Variants in ST6GALNAC3 observed in about 807,000 individuals in gnomAD.
ST6GALNAC3 encodes alpha-N-acetylgalactosaminide alpha-2,6-sialyltransferase 3.
A neutral mutation model predicts 32.7 loss-of-function variants in ST6GALNAC3; 25 were observed. The observed-to-expected ratio is 0.76, with a 90% CI of 0.56 to 1.07. The LOEUF (loss-of-function observed/expected upper bound fraction) is 1.07, where lower values mean the gene tolerates loss of function less well. ST6GALNAC3 is among the 50% of genes least tolerant of loss of function. The pLI, the probability that ST6GALNAC3 is intolerant of heterozygous loss-of-function variation, is 0.00. For synonymous variants in ST6GALNAC3, 129 were observed against 133.1 expected, an observed-to-expected ratio of 0.97 and a Z score of 0.21; for missense variants, 355 against 382.4, an observed-to-expected ratio of 0.93 and a Z score of 0.60.
chr1:76,226,892 T>C (rs1247673179), intron 1 of ST6GALNAC3, among the ~76,000 whole-genome samples: 2 of 152,190 alleles, frequency 1.3e-5, no homozygotes, highest in African/African-American at 4.8e-5. Context: ...GTGGGGACAC[T>C]GATTGAAACT....
intron 1 of ST6GALNAC3, among the ~76,000 whole-genome samples, chr1:76,170,538 C>T (rs1190599867): frequency 6.6e-6 from 1 of 152,094 alleles, no homozygotes; most frequent in East Asian, 1.9e-4. Flanking sequence ...ATCCAAAATT[C>T]ATTACTGGTT....
chr1:76,627,735 GAGAAAA>G (rs1167261058), intron 4 of ST6GALNAC3, among the ~76,000 whole-genome samples, 176 bp downstream of exon 4: 3 of 151,916 alleles, frequency 2.0e-5, no homozygotes, highest in African/African-American at 7.2e-5. Context: ...TTCTAGGGGT[GAGAAAA>G]AGAAAAATAT....
At position 76,313,405 on chromosome 1, in the gene ST6GALNAC3, A is replaced by G. The variant is rs531823145; in HGVS notation, c.19-400A>G. ...AATAGAAGTGTCTTTAAATTATGGG[A>G]ATGATGGGACTTTACCTCTGTTAGA... On this transcript the variant is annotated intron_variant, in intron 1 of 4. Transcript: ENST00000328299. 6.1e-4 allele frequency among the ~76,000 whole-genome samples: 93 copies of G among 152,240 alleles called. 1 individual carries two copies. In the South Asian group the frequency reaches 0.019, roughly 31 times the overall value.
At chr1:76,485,150 C>T (rs1235261104) in intron 3 of ST6GALNAC3, among the ~76,000 whole-genome samples, 4 of 152,070 alleles carry the variant, frequency 2.6e-5, no homozygotes, top group African/African-American at 4.8e-5. Context: ...ATTTTTGCAT[C>T]GATGTTCATC....
intron 1 of ST6GALNAC3, among the ~76,000 whole-genome samples, chr1:76,089,535 T>G (rs1647014304): frequency 6.6e-6 from 1 of 152,222 alleles, no homozygotes. Flanking sequence ...AGCTTGGAGT[T>G]GTATGTATCA....
intron 2 of ST6GALNAC3, among the ~76,000 whole-genome samples, chr1:76,410,070 A>G (rs968063149): frequency 1.3e-5 from 2 of 151,412 alleles, no homozygotes; most frequent in African/African-American, 4.8e-5. Flanking sequence ...TCTTTTTTTT[A>G]TCAACTTTCC....
chr1:76,549,795 A>G (rs1664515704), intron 3 of ST6GALNAC3, among the ~76,000 whole-genome samples: 1 of 152,212 alleles, frequency 6.6e-6, no homozygotes, highest in East Asian at 1.9e-4. Context: ...AGTTGTGCCA[A>G]CTGATGCTTC....
chr1:76,455,471 C>T (rs966476988), intron 3 of ST6GALNAC3, among the ~76,000 whole-genome samples: 1 of 152,276 alleles, frequency 6.6e-6, no homozygotes, highest in East Asian at 1.9e-4. Context: ...ATAGGTTTTT[C>T]TCTAGAGAGA....
At chr1:76,104,528 A>G (rs576757791) in intron 1 of ST6GALNAC3, among the ~76,000 whole-genome samples, 2 of 151,668 alleles carry the variant, frequency 1.3e-5, no homozygotes, top group East Asian at 1.9e-4. Flanking sequence ...TGGCTCCTCA[A>G]TATGTCGTTA....
intron 3 of ST6GALNAC3, among the ~76,000 whole-genome samples, chr1:76,494,805 C>T (rs570371485): frequency 4.6e-5 from 7 of 151,728 alleles, no homozygotes; most frequent in Non-Finnish European, 1.0e-4. Flanking sequence ...TGAACTGGCT[C>T]ATGTGATTAT....
chr1:76,171,673 A>T (rs1030692405), intron 1 of ST6GALNAC3, among the ~76,000 whole-genome samples: 3 of 152,122 alleles, frequency 2.0e-5, no homozygotes, highest in Admixed American at 2.0e-4. Context: ...CGATGCAAAT[A>T]AACTAGAAAA....
At chr1:76,500,077 T>A (rs1445388335) in intron 3 of ST6GALNAC3, among the ~76,000 whole-genome samples, 1 of 152,142 alleles carries the variant, frequency 6.6e-6, no homozygotes, top group Non-Finnish European at 1.5e-5. Context: ...ATACATGCTT[T>A]TAGAATCATA....
intron 2 of ST6GALNAC3, among the ~76,000 whole-genome samples, chr1:76,357,130 C>CTTTTTTTTTTTTTTTTTTTTATT (rs55786044): frequency 9.0e-6 from 1 of 111,176 alleles, no homozygotes; most frequent in Non-Finnish European, 1.7e-5. Flanking sequence ...TTTTCTTTTT[C>CTTTTTTTTTTTTTTTTTTTTATT]TTTTTTTTTT....
At chr1:76,478,615 A>G (rs1221162968) in intron 3 of ST6GALNAC3, among the ~76,000 whole-genome samples, 1 of 152,122 alleles carries the variant, frequency 6.6e-6, no homozygotes, top group Non-Finnish European at 1.5e-5. Flanking sequence ...TATTACCCAC[A>G]AGAGAAAATG....
intron 3 of ST6GALNAC3, among the ~76,000 whole-genome samples, chr1:76,556,442 T>C (rs1479108288): frequency 1.3e-5 from 2 of 152,064 alleles, no homozygotes; most frequent in Admixed American, 6.6e-5. Flanking sequence ...ATGTTCAACA[T>C]TTTCAGGAAC....
chr1:76,425,392 G>A (rs955357328), intron 3 of ST6GALNAC3, among the ~76,000 whole-genome samples: 4 of 151,960 alleles, frequency 2.6e-5, no homozygotes, highest in Admixed American at 1.3e-4. Flanking sequence ...CCTCACCCGC[G>A]TACACTCACA....
At chr1:76,213,810 A>G (rs952026659) in intron 1 of ST6GALNAC3, among the ~76,000 whole-genome samples, 2 of 152,154 alleles carry the variant, frequency 1.3e-5, no homozygotes, top group East Asian at 3.9e-4. Flanking sequence ...GGCCACCATC[A>G]TCTGATTAAG....
At chr1:76,401,008 T>C (rs71656884) in intron 2 of ST6GALNAC3, among the ~76,000 whole-genome samples, 1 of 152,140 alleles carries the variant, frequency 6.6e-6, no homozygotes, top group Non-Finnish European at 1.5e-5. Flanking sequence ...TCTTTGTTTT[T>C]GTATGATGAA....
At chr1:76,168,011 TTTC>T (rs1652236649) in intron 1 of ST6GALNAC3, among the ~76,000 whole-genome samples, 1 of 152,150 alleles carries the variant, frequency 6.6e-6, no homozygotes, top group African/African-American at 2.4e-5. Context: ...ATTTTGGTTA[TTTC>T]TTGTCTTCTG....
Sources: allele counts gnomAD v4.1 joint callset (sites outside exome capture counted in the v4.1 genomes callset), GRCh38; gene constraint gnomAD v4.1.1; transcripts MANE v1.5; gene names NCBI Gene and HGNC (gene_info 2026-07-23, HGNC 2026-07-21).